VWC2: variants seen among roughly 807,000 people sequenced by gnomAD.
The protein encoded by VWC2 is von Willebrand factor C domain containing 2.
VWC2 carries 14 observed loss-of-function variants against 29.8 expected under a neutral mutation model. The ratio of observed to expected loss-of-function variants is 0.47; its 90% CI spans 0.31 to 0.74. The LOEUF (loss-of-function observed/expected upper bound fraction) is 0.74. Ranked by LOEUF, VWC2 falls within the 30% of genes least tolerant of loss-of-function variation. The pLI, the probability that VWC2 is intolerant of heterozygous loss-of-function variation, is 0.05. For synonymous variants in VWC2, 213 were observed against 199.0 expected (o/e 1.07, Z -0.59); for missense variants, 457 against 459.8 (o/e 0.99, Z 0.05).
At chr7:49,893,834 G>A (rs1042063018) in intron 3 of VWC2, among the ~76,000 whole-genome samples, 1 of 152,222 alleles carries the variant, frequency 6.6e-6, no homozygotes, top group Non-Finnish European at 1.5e-5. Flanking sequence ...TGTTTCAAAA[G>A]AGGTTTGGGA....
chr7:49,805,551 G>T (rs1259759960), intron 3 of VWC2, among the ~76,000 whole-genome samples: 1 of 152,126 alleles, frequency 6.6e-6, no homozygotes, highest in Non-Finnish European at 1.5e-5. Flanking sequence ...GGAAAATGGG[G>T]TTTGAAATTC....
chr7:49,823,275 C>CT (rs1315956116), intron 3 of VWC2, among the ~76,000 whole-genome samples: 1 of 152,120 alleles, frequency 6.6e-6, no homozygotes, highest in Non-Finnish European at 1.5e-5. Flanking sequence ...GCCACTTGGG[C>CT]TACACAGTGG....
intron 3 of VWC2, among the ~76,000 whole-genome samples, chr7:49,834,963 A>T (rs1304392729): frequency 6.6e-6 from 1 of 152,232 alleles, no homozygotes; most frequent in Non-Finnish European, 1.5e-5. Flanking sequence ...AAAAATTAAT[A>T]TAGAAAGTGT....
At chr7:49,854,028 T>C (rs1008433892) in intron 3 of VWC2, among the ~76,000 whole-genome samples, 1 of 151,886 alleles carries the variant, frequency 6.6e-6, no homozygotes, top group African/African-American at 2.4e-5. Context: ...TCCATGTCCC[T>C]GCAAAGGACA....
chr7:49,903,064 T>A (rs1047224981), intron 3 of VWC2, among the ~76,000 whole-genome samples: 4 of 152,136 alleles, frequency 2.6e-5, no homozygotes, highest in Non-Finnish European at 5.9e-5. Context: ...ACTTGAGATA[T>A]CACTATACAT....
At chr7:49,775,024 AG>A in intron 1 of VWC2, among the ~76,000 whole-genome samples, 1 of 152,224 alleles carries the variant, frequency 6.6e-6, no homozygotes, top group Admixed American at 6.5e-5. Context: ...AGAGCTTTGC[AG>A]GGGGGCGCGG....
chr7:49,888,465 T>C (rs1052563550), intron 3 of VWC2, among the ~76,000 whole-genome samples: 1 of 152,210 alleles, frequency 6.6e-6, no homozygotes, highest in Non-Finnish European at 1.5e-5. Context: ...TTCTAATTCA[T>C]AACATTCCAT....
At chr7:49,779,057 G>GAGAGAC (rs1344159247) in intron 2 of VWC2, among the ~76,000 whole-genome samples, 2 of 146,766 alleles carry the variant, frequency 1.4e-5, no homozygotes, top group East Asian at 2.0e-4. Flanking sequence ...GAGAGAGAGA[G>GAGAGAC]AGACAGAGAC....
intron 3 of VWC2, among the ~76,000 whole-genome samples, chr7:49,829,214 G>T (rs1211536755): frequency 6.6e-6 from 1 of 152,202 alleles, no homozygotes; most frequent in African/African-American, 2.4e-5. Flanking sequence ...TTAAAATGTT[G>T]CAAGGCTGTA....
At chr7:49,856,039 T>C (rs1485664054) in intron 3 of VWC2, among the ~76,000 whole-genome samples, 2 of 152,198 alleles carry the variant, frequency 1.3e-5, no homozygotes, top group Non-Finnish European at 2.9e-5. Flanking sequence ...AGTTCAGGTA[T>C]ATAAGGCTGC....
chr7:49,879,549 C>T (rs1435607840), intron 3 of VWC2, among the ~76,000 whole-genome samples: 1 of 152,102 alleles, frequency 6.6e-6, no homozygotes. Flanking sequence ...TAGGGCCTGT[C>T]CACTTCTGTT....
At chr7:49,797,209 T>C (rs1788612694) in intron 2 of VWC2, among the ~76,000 whole-genome samples, 2 of 152,190 alleles carry the variant, frequency 1.3e-5, no homozygotes, top group South Asian at 4.1e-4. Flanking sequence ...CTCTGAGTAG[T>C]TGTAGTTGAG....
At chr7:49,793,654 G>T (rs1788516256) in intron 2 of VWC2, among the ~76,000 whole-genome samples, 1 of 152,158 alleles carries the variant, frequency 6.6e-6, no homozygotes, top group African/African-American at 2.4e-5. Flanking sequence ...ATTTATAACT[G>T]CTGTCTATTA....
chr7:49,836,565 A>G (rs1789664732), intron 3 of VWC2, among the ~76,000 whole-genome samples: 1 of 151,386 alleles, frequency 6.6e-6, no homozygotes, highest in African/African-American at 2.4e-5. Flanking sequence ...CTTGAACTCC[A>G]GAGGCGGAGG....
intron 3 of VWC2, among the ~76,000 whole-genome samples, chr7:49,842,972 G>A (rs1447910207): frequency 6.6e-6 from 1 of 152,140 alleles, no homozygotes; most frequent in East Asian, 1.9e-4. Context: ...TGATGCTGAG[G>A]TTTGGGGTAC....
At chr7:49,825,787 C>G (rs1342100234) in intron 3 of VWC2, among the ~76,000 whole-genome samples, 1 of 152,192 alleles carries the variant, frequency 6.6e-6, no homozygotes, top group Non-Finnish European at 1.5e-5. Flanking sequence ...TCTTAATGCA[C>G]TTTTGTCCTT....
intron 3 of VWC2, among the ~76,000 whole-genome samples, chr7:49,821,780 A>T (rs904703013): frequency 3.9e-5 from 6 of 152,130 alleles, no homozygotes; most frequent in African/African-American, 1.4e-4. Flanking sequence ...TTATTTTTTG[A>T]CTCATACTTT....
At chr7:49,792,392 C>T (rs1433705533) in intron 2 of VWC2, among the ~76,000 whole-genome samples, 4 of 152,216 alleles carry the variant, frequency 2.6e-5, no homozygotes, top group East Asian at 1.9e-4. Context: ...TATCCTCTCC[C>T]GCTGTGTGCA....
chr7:49,823,588 C>T (rs1439781791), intron 3 of VWC2, among the ~76,000 whole-genome samples: 1 of 152,088 alleles, frequency 6.6e-6, no homozygotes, highest in Non-Finnish European at 1.5e-5. Context: ...ATCCTGGGGC[C>T]CCCGGCAGTT....
Sources: allele counts gnomAD v4.1 joint callset (sites outside exome capture counted in the v4.1 genomes callset), GRCh38; gene constraint gnomAD v4.1.1; transcripts MANE v1.5; gene names NCBI Gene and HGNC (gene_info 2026-07-23, HGNC 2026-07-21).